BAIAP2: variants seen among roughly 807,000 people sequenced by gnomAD.
The protein encoded by BAIAP2 is BAR/IMD domain containing adaptor protein 2.
Under a neutral mutation model 63.0 loss-of-function variants are expected in BAIAP2, and 18 were observed. The ratio of observed to expected loss-of-function variants is 0.29; its 90% CI spans 0.20 to 0.42. The LOEUF (loss-of-function observed/expected upper bound fraction) is 0.42. Ranked by LOEUF, BAIAP2 falls within the 10% of genes least tolerant of loss-of-function variation. The pLI is 1.00. For missense variants in BAIAP2, 610 were observed against 734.3 expected (o/e 0.83, Z 1.96); for synonymous variants, 386 against 307.6 (o/e 1.25, Z -2.67).
intron 6 of BAIAP2, chr17:81,087,665 A>C (rs1356001595): frequency 6.6e-6 from 1 of 152,206 alleles, no homozygotes; most frequent in Non-Finnish European, 1.5e-5. Flanking sequence ...GTCTGTGGAA[A>C]CAGCCATACG....
chr17:81,110,013 G>T, intron 13 of BAIAP2: 1 of 985,470 alleles, frequency 1.0e-6, no homozygotes, highest in Non-Finnish European at 1.2e-6. Flanking sequence ...GTGTGTCTTG[G>T]TGACTTTAGA....
At chr17:81,072,438 CTGTT>C (rs2052858496) in intron 3 of BAIAP2, among the ~76,000 whole-genome samples, 1 of 152,212 alleles carries the variant, frequency 6.6e-6, no homozygotes, top group Non-Finnish European at 1.5e-5. Context: ...CTCTCCTGCC[CTGTT>C]TGACGCCCAC....
At position 81,046,929 on chromosome 17, in the gene BAIAP2, G is replaced by C. The variant is rs1024176346; in HGVS notation, c.55-6739G>C. ...ACAGCGGGCTGGGGGAAGCCCCTCT[G>C]GCACTGCCGGCCCCGCAGCTGCCAC... On this transcript the variant is annotated intron_variant, in intron 1 of 13. Transcript: ENST00000428708. The surrounding 1 kb of genome is among the most constrained non-coding windows in gnomAD (Gnocchi z 4.5). Among the ~76,000 whole-genome samples, 6 of 152,242 alleles carry C rather than the reference G, an allele frequency of 3.9e-5. No individual in the cohort carries two copies. Among genetic ancestry groups the C allele is most frequent in the Admixed American group, 3.3e-4 (5 of 15,288 alleles).
chr17:81,095,782 T>C (rs890742119), intron 6 of BAIAP2, among the ~76,000 whole-genome samples: 1 of 152,124 alleles, frequency 6.6e-6, no homozygotes, highest in African/African-American at 2.4e-5. Flanking sequence ...GGGTTTCTCT[T>C]GTGACCTGTG....
chr17:81,060,658 C>T (rs1598580608), intron 3 of BAIAP2, among the ~76,000 whole-genome samples: 1 of 152,220 alleles, frequency 6.6e-6, no homozygotes. Flanking sequence ...ACTGGAATTG[C>T]CGGGTCAGAT....
intron 3 of BAIAP2, among the ~76,000 whole-genome samples, chr17:81,067,542 CCG>C (rs2051723317): frequency 6.6e-6 from 1 of 151,498 alleles, no homozygotes; most frequent in African/African-American, 2.4e-5. Context: ...CGTGTTGCAG[CCG>C]CGGCAGCCAA....
intron 10 of BAIAP2, chr17:81,104,976 A>AGGAGGGATCTCCCCCCAACG (rs2058954488): frequency 8.7e-6 from 3 of 346,232 alleles, no homozygotes; most frequent in Non-Finnish European, 1.6e-5. Context: ...TCCCCCCAAC[A>AGGAGGGATCTCCCCCCAACG]GCAGGGATCT....
At chr17:81,095,895 T>C (rs1373067392) in intron 6 of BAIAP2, among the ~76,000 whole-genome samples, 1 of 152,164 alleles carries the variant, frequency 6.6e-6, no homozygotes, top group Non-Finnish European at 1.5e-5. Flanking sequence ...ACCCTGCTAA[T>C]GAGGCCAGTA....
At position 81,109,222 on chromosome 17, in the gene BAIAP2, T is replaced by C. The variant is rs374866715; in HGVS notation, c.1535+713T>C. 221 of 1,378,400 alleles carry C rather than the reference T, an allele frequency of 1.6e-4. 1 individual carries two copies. In the South Asian group the frequency reaches 2.0e-3, roughly 13 times the overall value. 85.4% of individuals were successfully genotyped at this position (1,378,400 alleles called of 1,614,324 possible). Reference sequence around the variant, plus strand: ...CTGTGTTTACGCGCCCCATCCTGTGTGTCCCAGCCTTTTGAGCAGAAACTG... The same window carrying C: ...CTGTGTTTACGCGCCCCATCCTGTGCGTCCCAGCCTTTTGAGCAGAAACTG... On this transcript the variant is annotated intron_variant, in intron 13 of 13. Transcript: ENST00000428708.
chr17:81,040,395 T>G (rs1476912383), intron 1 of BAIAP2, among the ~76,000 whole-genome samples: 2 of 152,302 alleles, frequency 1.3e-5, no homozygotes, highest in East Asian at 3.9e-4. Flanking sequence ...CCAACGCACT[T>G]CCACCTCCCC....
intron 13 of BAIAP2, among the ~76,000 whole-genome samples, chr17:81,111,949 G>A (rs1316573894): frequency 1.3e-5 from 2 of 152,266 alleles, no homozygotes; most frequent in Admixed American, 1.3e-4. Context: ...CCCACGGGCA[G>A]CCAGGCCACA....
At chr17:81,104,784 C>G (rs1397683206) in intron 10 of BAIAP2, 69 bp downstream of exon 10, 2 of 1,444,472 alleles carry the variant, frequency 1.4e-6, no homozygotes, top group African/African-American at 1.4e-5. Context: ...CAGCGACACT[C>G]AAGTGCACTG....
At chr17:81,104,450 C>T (rs1004781492) in intron 9 of BAIAP2, 64 bp from the exon 10 acceptor site, 6 of 1,507,426 alleles carry the variant, frequency 4.0e-6, no homozygotes, top group African/African-American at 2.8e-5. Context: ...CTCAACCAGA[C>T]TCCCTGGGCT....
At chr17:81,066,670 C>T (rs534388359) in intron 3 of BAIAP2, among the ~76,000 whole-genome samples, 7 of 152,344 alleles carry the variant, frequency 4.6e-5, no homozygotes, top group South Asian at 2.1e-4. Context: ...AAGGGGACTT[C>T]GGGGCTGTCC....
At chr17:81,095,161 C>T (rs376997311) in intron 6 of BAIAP2, among the ~76,000 whole-genome samples, 3 of 152,320 alleles carry the variant, frequency 2.0e-5, no homozygotes, top group East Asian at 3.9e-4. Context: ...CAGCTAAGCA[C>T]GCAGCCGGTG....
chr17:81,113,486 C>T (rs2060145912), intron 13 of BAIAP2, among the ~76,000 whole-genome samples: 3 of 152,232 alleles, frequency 2.0e-5, no homozygotes, highest in Admixed American at 6.5e-5. Context: ...CCCCGCCGGC[C>T]TCCTGGGCGC....
In BAIAP2 at chr17:81,055,569, G is replaced by GTTTTTTTTTTTTTTTTTT. The variant is rs1555657837; in HGVS notation, c.130+1830_130+1831insTTTTTTTTTTTTTTTTTT. The stretch of plus-strand genomic sequence containing the variant: ...TTCCTCCAGCGAAAGTCTGCAGGGT[G>GTTTTTTTTTTTTTTTTTT]TTTTGTTTTTTTTTGAGACGGAGTC... On this transcript the variant is annotated intron_variant, in intron 2 of 13. Coordinates refer to ENST00000428708, the MANE Select transcript of BAIAP2 (RefSeq NM_001144888.2). 1.1e-4 allele frequency among the ~76,000 whole-genome samples: 10 copies of GTTTTTTTTTTTTTTTTTT among 94,182 alleles called. 1 individual carries two copies. The highest frequency in any genetic ancestry group is 1.2e-4 in the Admixed American group (1 of 8,300). 61.8% of individuals were successfully genotyped at this position (94,182 alleles called of 152,430 possible). A position where few individuals can be genotyped will look rare whatever the true frequency, so the allele number is the denominator to read the frequency against.
chr17:81,113,684 C>CA (rs1159859750), intron 13 of BAIAP2, among the ~76,000 whole-genome samples: 1 of 152,146 alleles, frequency 6.6e-6, no homozygotes, highest in African/African-American at 2.4e-5. Context: ...CCAGGGTCCT[C>CA]AGAGCCACCC....
intron 10 of BAIAP2, 100 bp from the exon 11 acceptor site, chr17:81,105,978 C>T: frequency 8.7e-6 from 9 of 1,034,790 alleles, no homozygotes; most frequent in Middle Eastern, 4.1e-4. Flanking sequence ...GCCGCGCAGC[C>T]ATGCTGGGGA....
Sources: allele counts gnomAD v4.1 joint callset (sites outside exome capture counted in the v4.1 genomes callset), GRCh38; gene constraint gnomAD v4.1.1; non-coding constraint Gnocchi (gnomAD v3.1); transcripts MANE v1.5; gene names NCBI Gene and HGNC (gene_info 2026-07-23, HGNC 2026-07-21).